Variants in CCNY observed in about 807,000 individuals in gnomAD.
The protein encoded by CCNY is cyclin Y.
Under a neutral mutation model 42.8 loss-of-function variants are expected in CCNY, and 19 were observed. The ratio of observed to expected loss-of-function variants is 0.44; its 90% CI spans 0.31 to 0.65. The LOEUF (loss-of-function observed/expected upper bound fraction) is 0.65, where lower values mean the gene tolerates loss of function less well. Ranked by LOEUF, CCNY falls within the 30% of genes least tolerant of loss-of-function variation. The pLI, the probability that CCNY is intolerant of heterozygous loss-of-function variation, is 0.07. For synonymous variants in CCNY, 165 were observed against 162.7 expected (o/e 1.01, Z -0.11); for missense variants, 370 against 437.3 (o/e 0.85, Z 1.37).
At chr10:35,441,111 A>T (rs1838657395) in intron 1 of CCNY, among the ~76,000 whole-genome samples, 1 of 152,172 alleles carries the variant, frequency 6.6e-6, no homozygotes, top group African/African-American at 2.4e-5. Flanking sequence ...AAGGAGCTAG[A>T]ATGGGGCCCC....
intron 1 of CCNY, among the ~76,000 whole-genome samples, chr10:35,401,899 A>G (rs1376243100): frequency 2.6e-5 from 4 of 152,294 alleles, no homozygotes; most frequent in African/African-American, 9.6e-5. Context: ...GTGGTAGAAT[A>G]TCATCAGTTA....
At chr10:35,359,822 T>C (rs1288408868) in intron 1 of CCNY, among the ~76,000 whole-genome samples, 3 of 152,234 alleles carry the variant, frequency 2.0e-5, no homozygotes, top group African/African-American at 4.8e-5. Flanking sequence ...ATTCTTTTGG[T>C]GCCTAAATTT....
chr10:35,266,930 A>G (rs1013714695), intron 3 of CCNY, among the ~76,000 whole-genome samples: 14 of 142,542 alleles, frequency 9.8e-5, no homozygotes, highest in Non-Finnish European at 1.5e-5. Flanking sequence ...CTAAAAATAC[A>G]AACATTAGCT....
chr10:35,426,111 G>GCACACACACA (rs1055933724), intron 1 of CCNY, among the ~76,000 whole-genome samples: 2 of 80,466 alleles, frequency 2.5e-5, no homozygotes, highest in African/African-American at 1.1e-4. Context: ...TCCAGCACGC[G>GCACACACACA]CACACACACA....
At chr10:35,513,218 G>T (rs183995792) in intron 3 of CCNY, among the ~76,000 whole-genome samples, 1 of 152,252 alleles carries the variant, frequency 6.6e-6, no homozygotes, top group African/African-American at 2.4e-5. Context: ...AGCTTAATCT[G>T]TAAGGTTCAC....
intron 3 of CCNY, among the ~76,000 whole-genome samples, chr10:35,311,783 C>G (rs1287305045): frequency 6.8e-6 from 1 of 146,488 alleles, no homozygotes; most frequent in Non-Finnish European, 1.5e-5. Context: ...CACAGGAGTT[C>G]AAAACCAGCC....
rs1364689068 is a variant in CCNY at position 35,530,051 on chromosome 10, C to G, written c.459+21C>G. 2 of 1,613,894 alleles carry G rather than the reference C, an allele frequency of 1.2e-6. No individual in the cohort carries two copies. Among genetic ancestry groups the G allele is most frequent in the East Asian group, 2.2e-5 (1 of 44,896 alleles). On this transcript the variant is annotated intron_variant, in intron 6 of 9. Transcript: ENST00000374704. The surrounding 1 kb of genome is among the most constrained non-coding windows in gnomAD (Gnocchi z 4.3). ...TTTCGGTAATCTCCTCCGTGTGTTT[C>G]ATGAGATGATTTAATTATTTCTCTT...
chr10:35,476,665 T>C (rs1404065416), intron 1 of CCNY, among the ~76,000 whole-genome samples: 1 of 149,398 alleles, frequency 6.7e-6, no homozygotes. Context: ...TAGCACTAAA[T>C]GCCCACAAGA....
At chr10:35,412,860 C>CAAAAA (rs10558250) in intron 1 of CCNY, among the ~76,000 whole-genome samples, 21 of 34,764 alleles carry the variant, frequency 6.0e-4, no homozygotes, top group African/African-American at 9.1e-4. Flanking sequence ...GACTCTGTCT[C>CAAAAA]AAAAAAAAAA....
rs34537954 is a variant in CCNY at position 35,401,513 on chromosome 10, CT to C, written c.154+64318del. Among the ~76,000 whole-genome samples the C allele has an allele frequency of 4.1e-3, 595 of 144,106 alleles. 12 individuals are homozygous for C. In the East Asian group the frequency reaches 0.067, roughly 16 times the overall value. The allele number at this position is 144,106 out of a possible 152,430, so 94.5% of individuals were successfully genotyped here. On this transcript the variant is annotated intron_variant, in intron 1 of 9. Transcript: ENST00000374704. ...AAATTTCCCAAAGAAATTTTCTTTT[CT>C]TTTTTTTTTTTCTTAGGAGGTACAA...
chr10:35,418,461 T>G (rs1441374764), intron 1 of CCNY, among the ~76,000 whole-genome samples: 1 of 152,090 alleles, frequency 6.6e-6, no homozygotes, highest in Non-Finnish European at 1.5e-5. Flanking sequence ...GGGCAATCAG[T>G]TTTCATCTAT....
At chr10:35,389,154 C>T (rs2504370) in intron 1 of CCNY, among the ~76,000 whole-genome samples, 64,675 of 151,984 alleles carry the variant, frequency 0.43, 14,743 homozygotes, top group African/African-American at 0.59. Context: ...GACAGGCTCT[C>T]TTTCTGTGTT....
chr10:35,516,147 C>T (rs1230485817), intron 3 of CCNY, among the ~76,000 whole-genome samples: 4 of 152,150 alleles, frequency 2.6e-5, no homozygotes, highest in South Asian at 2.1e-4. Context: ...GATCTTAGTG[C>T]GTAAAACCAG....
At chr10:35,552,902 TG>T (rs1841289287) in intron 7 of CCNY, 116 bp from the exon 8 acceptor site, 1 of 1,055,872 alleles carries the variant, frequency 9.5e-7, no homozygotes, top group African/African-American at 1.6e-5. Context: ...TAAATGTGAT[TG>T]GGTAATAAAT....
intron 3 of CCNY, among the ~76,000 whole-genome samples, chr10:35,512,825 G>A (rs550307278): frequency 1.6e-4 from 25 of 152,220 alleles, no homozygotes; most frequent in African/African-American, 6.0e-4. Flanking sequence ...TTGAGGAGGT[G>A]TCGCGGGTGG....
At chr10:35,318,729 G>A (rs2135093286) in intron 3 of CCNY, among the ~76,000 whole-genome samples, 1 of 151,858 alleles carries the variant, frequency 6.6e-6, no homozygotes, top group Admixed American at 6.6e-5. Context: ...GCGGTGATTC[G>A]AGTGGTAGAA....
chr10:35,435,833 T>C (rs1225107937), intron 1 of CCNY, among the ~76,000 whole-genome samples: 1 of 152,160 alleles, frequency 6.6e-6, no homozygotes, highest in Non-Finnish European at 1.5e-5. Flanking sequence ...TTGGTGAGAA[T>C]TAAATGGGAG....
intron 1 of CCNY, among the ~76,000 whole-genome samples, chr10:35,382,813 A>C (rs1351187394): frequency 6.6e-6 from 1 of 152,228 alleles, no homozygotes; most frequent in Non-Finnish European, 1.5e-5. Context: ...GAGACAGTAC[A>C]TTTAAGAGCT....
chr10:35,543,307 C>A (rs1005884886), intron 7 of CCNY, among the ~76,000 whole-genome samples: 1 of 152,132 alleles, frequency 6.6e-6, no homozygotes, highest in Non-Finnish European at 1.5e-5. Context: ...AAGGGGAGGG[C>A]CCATGGGTCG....
Sources: allele counts gnomAD v4.1 joint callset (sites outside exome capture counted in the v4.1 genomes callset), GRCh38; gene constraint gnomAD v4.1.1; non-coding constraint Gnocchi (gnomAD v3.1); transcripts MANE v1.5; gene names NCBI Gene and HGNC (gene_info 2026-07-23, HGNC 2026-07-21).